Variants in TLN2 observed in about 807,000 individuals in gnomAD.
TLN2 encodes talin 2.
In TLN2, 118 loss-of-function variants were observed where a neutral mutation model predicts 294.7. That is an observed-to-expected ratio of 0.40 (90% CI 0.34 to 0.47). The LOEUF (loss-of-function observed/expected upper bound fraction) is 0.47. TLN2 is among the 20% of genes least tolerant of loss of function. The probability of loss-of-function intolerance (pLI) is 0.84; values close to 1 mark genes in which losing one functional copy is unlikely to be tolerated. For synonymous variants in TLN2, 1,431 were observed against 1,304.5 expected (o/e 1.10, Z -2.09); for missense variants, 3,083 against 3,282.2 (o/e 0.94, Z 1.48).
intron 13 of TLN2, 72 bp downstream of exon 13, chr15:62,693,013 A>G (rs969144903): frequency 3.8e-6 from 5 of 1,322,694 alleles, no homozygotes; most frequent in South Asian, 1.3e-5. Context: ...TGACGTGGCT[A>G]CCTTGAAAAA....
chr15:62,432,177 T>A (rs1337001618), intron 1 of TLN2, among the ~76,000 whole-genome samples: 1 of 152,222 alleles, frequency 6.6e-6, no homozygotes, highest in Non-Finnish European at 1.5e-5. Context: ...TTTTATCGAA[T>A]TTTTTATTAG....
chr15:62,618,073 A>T (rs2048459948), intron 2 of TLN2, among the ~76,000 whole-genome samples: 1 of 151,264 alleles, frequency 6.6e-6, no homozygotes, highest in Non-Finnish European at 1.5e-5. Context: ...TGTTGAGATT[A>T]CAGGCAAGAG....
intron 1 of TLN2, among the ~76,000 whole-genome samples, chr15:62,438,270 A>G (rs1422121307): frequency 1.3e-5 from 2 of 150,974 alleles, no homozygotes; most frequent in Non-Finnish European, 2.9e-5. Context: ...CTTTTTGCAC[A>G]TTTGGCAGAA....
chr15:62,750,093 A>T (rs1324471316), intron 33 of TLN2, among the ~76,000 whole-genome samples: 6 of 152,150 alleles, frequency 3.9e-5, no homozygotes, highest in African/African-American at 1.4e-4. Flanking sequence ...GCCTTGTATT[A>T]ATGTTCTAAT....
At chr15:62,446,341 C>T (rs948630152) in intron 1 of TLN2, among the ~76,000 whole-genome samples, 10 of 152,166 alleles carry the variant, frequency 6.6e-5, no homozygotes, top group African/African-American at 1.7e-4. Flanking sequence ...ATCTTCTGAG[C>T]GCTTAACTCC....
chr15:62,647,579 A>G, intron 4 of TLN2, 133 bp downstream of exon 4: 1 of 1,223,474 alleles, frequency 8.2e-7, no homozygotes, highest in Non-Finnish European at 1.1e-6. Flanking sequence ...ACCTTCTTAG[A>G]TCAGACACTA....
At chr15:62,754,143 G>A (rs2062091176) in intron 36 of TLN2, 3 of 487,120 alleles carry the variant, frequency 6.2e-6, no homozygotes, top group African/African-American at 2.0e-5. Context: ...GGCAAAAGGA[G>A]TGAAGTAATC....
intron 42 of TLN2, among the ~76,000 whole-genome samples, chr15:62,774,201 A>C (rs767703670): frequency 6.6e-6 from 1 of 152,088 alleles, no homozygotes; most frequent in Non-Finnish European, 1.5e-5. Context: ...TACTCCTGTG[A>C]TGTCTGTGCC....
At chr15:62,403,200 A>T (rs2033151259) in intron 1 of TLN2, among the ~76,000 whole-genome samples, 1 of 151,752 alleles carries the variant, frequency 6.6e-6, no homozygotes, top group South Asian at 2.1e-4. Context: ...ATCGTGTGAC[A>T]AAGCGAGACT....
rs1031816725 is a variant in TLN2 at position 62,752,296 on chromosome 15, G to C, written c.4210-9G>C. On this transcript the variant is annotated splice_polypyrimidine_tract_variant and intron_variant, in intron 34 of 58. Coordinates refer to ENST00000636159, the MANE Select transcript of TLN2 (RefSeq NM_015059.3). The stretch of plus-strand genomic sequence containing the variant: ...GGATAGAGAATGTTGCTGGCCGTTT[G>C]TTTTGCAGGTTCTGGGTGAATCGAT... 1.9e-6 allele frequency: 3 copies of C among 1,613,816 alleles called. No homozygotes were observed. The highest frequency in any genetic ancestry group is 2.5e-6 in the Non-Finnish European group (3 of 1,179,932).
rs147465479 is a variant in TLN2 at position 62,461,427 on chromosome 15, C to T, written c.-238+70742C>T. Among the ~76,000 whole-genome samples the T allele has an allele frequency of 3.8e-3, 586 of 152,238 alleles. 5 individuals carry two copies. The highest frequency in any genetic ancestry group is 0.013 in the African/African-American group (551 of 41,524). On this transcript the variant is annotated intron_variant, in intron 1 of 58. Transcript: ENST00000636159. ...CATATTACGTACCTGTTCTTCTGTA[C>T]GTAGGTATGTAGGCAGTTTCCAGAC...
In TLN2 at chr15:62,537,743, A is replaced by C. The variant is rs569299642; in HGVS notation, c.-237-51944A>C. ...GTTTGAAGAGTGGGTTGGGAGGTGC[A>C]GTTCTAGCAACTTCAAACCTGATTG... On this transcript the variant is annotated intron_variant, in intron 1 of 58. Coordinates refer to ENST00000636159, the MANE Select transcript of TLN2 (RefSeq NM_015059.3). 3.3e-4 allele frequency among the ~76,000 whole-genome samples: 50 copies of C among 152,268 alleles called. 1 individual carries two copies. In the South Asian group the frequency reaches 8.3e-3, roughly 25 times the overall value.
At chr15:62,715,096 TG>T (rs1288004538) in intron 22 of TLN2, among the ~76,000 whole-genome samples, 1 of 152,214 alleles carries the variant, frequency 6.6e-6, no homozygotes, top group African/African-American at 2.4e-5. Context: ...TGCTAGATTA[TG>T]AGAGTGGTTA....
At chr15:62,639,317 G>A (rs928907437) in intron 3 of TLN2, among the ~76,000 whole-genome samples, 5 of 152,014 alleles carry the variant, frequency 3.3e-5, no homozygotes, top group Admixed American at 1.3e-4. Flanking sequence ...TGGCCCTGCC[G>A]TTTACTTAGG....
intron 34 of TLN2, 50 bp downstream of exon 34, chr15:62,750,541 G>T: frequency 1.3e-6 from 2 of 1,531,824 alleles, no homozygotes; most frequent in Non-Finnish European, 1.8e-6. Context: ...TTGTCAATGT[G>T]GGGAGAAGTT....
chr15:62,450,810 G>A (rs765132458), intron 1 of TLN2, among the ~76,000 whole-genome samples: 37 of 151,074 alleles, frequency 2.4e-4, no homozygotes, highest in Non-Finnish European at 4.9e-4. Flanking sequence ...GGCTCAAGCT[G>A]TCCTTCTACC....
intron 11 of TLN2, among the ~76,000 whole-genome samples, chr15:62,675,598 T>C (rs1296121246): frequency 2.6e-5 from 4 of 152,190 alleles, no homozygotes; most frequent in Non-Finnish European, 4.4e-5. Flanking sequence ...GTGAGTTCAC[T>C]TTTACTTGTT....
At chr15:62,829,907 CTGGCT>C (rs2068618295) in intron 54 of TLN2, 1 of 152,314 alleles carries the variant, frequency 6.6e-6, no homozygotes, top group East Asian at 1.9e-4. Flanking sequence ...CTTTCTGTGC[CTGGCT>C]TATTTCACTT....
chr15:62,724,855 C>T (rs1462227647), intron 26 of TLN2, 121 bp from the exon 27 acceptor site: 14 of 1,278,102 alleles, frequency 1.1e-5, no homozygotes, highest in South Asian at 1.9e-5. Context: ...TTTCCTTGCT[C>T]CTCCTGCTGG....
Sources: allele counts gnomAD v4.1 joint callset (sites outside exome capture counted in the v4.1 genomes callset), GRCh38; gene constraint gnomAD v4.1.1; transcripts MANE v1.5; gene names NCBI Gene and HGNC (gene_info 2026-07-23, HGNC 2026-07-21).